Variants in SCARA5 observed in about 807,000 individuals in gnomAD.
SCARA5 encodes the protein scavenger receptor class A, member 5 (putative).
Under a neutral mutation model 46.3 loss-of-function variants are expected in SCARA5, and 45 were observed. The observed-to-expected ratio is 0.97, with a 90% CI of 0.76 to 1.24. The LOEUF (loss-of-function observed/expected upper bound fraction) is 1.24, where lower values mean the gene tolerates loss of function less well. SCARA5 is among the 50% of genes most tolerant of loss of function. The probability of loss-of-function intolerance (pLI) is 0.00; values close to 1 mark genes in which losing one functional copy is unlikely to be tolerated. For synonymous variants in SCARA5, 333 were observed against 306.5 expected (o/e 1.09, Z -0.90); for missense variants, 680 against 689.0 (o/e 0.99, Z 0.15).
At chr8:27,951,157 G>A (rs1808120341) in intron 3 of SCARA5, among the ~76,000 whole-genome samples, 1 of 152,216 alleles carries the variant, frequency 6.6e-6, no homozygotes, top group Non-Finnish European at 1.5e-5. Context: ...GCAAGTCCAT[G>A]TAATTCTAAA....
chr8:27,965,874 GA>G (rs1441610260), intron 3 of SCARA5, among the ~76,000 whole-genome samples: 1 of 152,172 alleles, frequency 6.6e-6, no homozygotes, highest in Admixed American at 6.5e-5. Context: ...TTGAGTCCAT[GA>G]GCTCTCCTTC....
In SCARA5 at chr8:27,873,637, G is replaced by T. The variant is rs568896103; in HGVS notation, c.1352-1567C>A. Among the ~76,000 whole-genome samples, 85 of 148,190 alleles carry T rather than the reference G, an allele frequency of 5.7e-4. 1 individual carries two copies. The South Asian group carries it at 0.018, about 32-fold the overall frequency. ...AAAACGGCCCCACCCCTAAATCCCT[G>T]CGCTGACTCTCTTTTCTGACTCAAC... On this transcript the variant is annotated intron_variant, in intron 8 of 8. Coordinates refer to ENST00000354914, the MANE Select transcript of SCARA5 (RefSeq NM_173833.6).
intron 2 of SCARA5, among the ~76,000 whole-genome samples, chr8:27,974,574 T>C (rs1808495700): frequency 6.6e-6 from 1 of 151,826 alleles, no homozygotes; most frequent in Non-Finnish European, 1.5e-5. Flanking sequence ...AGAGATAGCG[T>C]TTTATTGCTG....
At position 27,933,851 on chromosome 8, in the gene SCARA5, TAAAAGACAGGGA is replaced by T. The variant is rs112728720; in HGVS notation, c.242-11618_242-11607del. Among the ~76,000 whole-genome samples, 456 of 152,128 alleles carry T rather than the reference TAAAAGACAGGGA, an allele frequency of 3.0e-3. 1 individual carries two copies. The highest frequency in any genetic ancestry group is 0.01 in the African/African-American group (415 of 41,492). On this transcript the variant is annotated intron_variant, in intron 3 of 8. Transcript: ENST00000354914. The stretch of plus-strand genomic sequence containing the variant: ...TAGGCAGTCATCAAAATCATAATTA[TAAAAGACAGGGA>T]GAAGTTGGGAAAATGCTTATGAAAT...
intron 3 of SCARA5, among the ~76,000 whole-genome samples, chr8:27,939,621 C>T (rs747182612): frequency 5.9e-5 from 9 of 152,178 alleles, no homozygotes; most frequent in Non-Finnish European, 7.3e-5. Flanking sequence ...CTGGGTCACG[C>T]AGCTAGACAG....
At chr8:27,986,492 T>C (rs928346977) in intron 2 of SCARA5, among the ~76,000 whole-genome samples, 2 of 152,162 alleles carry the variant, frequency 1.3e-5, no homozygotes, top group Admixed American at 1.3e-4. Flanking sequence ...TCGTGGATCC[T>C]CAAAATATGT....
Position 27,871,492 on chromosome 8 carries a change from A to C in SCARA5, c.*442T>G. 1 of 992,042 alleles carries C rather than the reference A, an allele frequency of 1.0e-6. No individual in the cohort carries two copies. 61.5% of individuals were successfully genotyped at this position (992,042 alleles called of 1,614,324 possible). On this transcript the variant is annotated 3_prime_UTR_variant, in exon 9 of 9. Coordinates refer to ENST00000354914, the MANE Select transcript of SCARA5 (RefSeq NM_173833.6). ...CTCTTGCTGGGGAGGAAGATGTAGA[A>C]ACTCTTGGACTAATGGAGGTTTGGG...
At chr8:27,881,311 C>T (rs36059108) in intron 7 of SCARA5, among the ~76,000 whole-genome samples, 4 of 152,042 alleles carry the variant, frequency 2.6e-5, no homozygotes, top group Non-Finnish European at 4.4e-5. Context: ...CTATCAGCAG[C>T]GGATTGAATA....
chr8:27,891,148 TA>T (rs1806973991), intron 7 of SCARA5, among the ~76,000 whole-genome samples: 1 of 151,836 alleles, frequency 6.6e-6, no homozygotes, highest in East Asian at 1.9e-4. Context: ...CTTCCCTCTA[TA>T]AAGACACAAG....
chr8:27,992,130 C>T (rs375259219), intron 1 of SCARA5, 127 bp downstream of exon 1: 1 of 152,420 alleles, frequency 6.6e-6, no homozygotes, highest in South Asian at 2.1e-4. Context: ...GAGAAGGCAC[C>T]TCCAGGCTCT....
At chr8:27,906,699 TTG>T (rs1394325332) in intron 6 of SCARA5, among the ~76,000 whole-genome samples, 4 of 152,322 alleles carry the variant, frequency 2.6e-5, no homozygotes, top group African/African-American at 9.6e-5. Context: ...TTCTAGATTT[TTG>T]TGTGTGTGTT....
At chr8:27,990,569 G>A (rs936009088) in intron 1 of SCARA5, among the ~76,000 whole-genome samples, 14 of 152,172 alleles carry the variant, frequency 9.2e-5, no homozygotes, top group Admixed American at 5.2e-4. Flanking sequence ...ATATCAGAGC[G>A]GGAAGAGGCC....
At chr8:27,930,406 CT>C (rs752297118) in intron 3 of SCARA5, among the ~76,000 whole-genome samples, 208 of 145,300 alleles carry the variant, frequency 1.4e-3, no homozygotes, top group East Asian at 3.6e-3. Flanking sequence ...TATTAAACTT[CT>C]TTTTTTTTTT....
At chr8:27,961,029 C>A (rs1035932245) in intron 3 of SCARA5, among the ~76,000 whole-genome samples, 1 of 152,160 alleles carries the variant, frequency 6.6e-6, no homozygotes, top group African/African-American at 2.4e-5. Context: ...GGTTACAGAG[C>A]CTTCACAGAT....
chr8:27,882,236 T>A (rs1318423667), intron 7 of SCARA5, among the ~76,000 whole-genome samples: 2 of 152,220 alleles, frequency 1.3e-5, no homozygotes, highest in Non-Finnish European at 2.9e-5. Context: ...CCTTTCTTTT[T>A]AGGACTGAAT....
intron 2 of SCARA5, among the ~76,000 whole-genome samples, chr8:27,982,794 G>T (rs1808643941): frequency 6.6e-6 from 1 of 152,170 alleles, no homozygotes; most frequent in Non-Finnish European, 1.5e-5. Flanking sequence ...GCTGCTCAGG[G>T]AGGGGACAGA....
chr8:27,966,609 T>C, intron 2 of SCARA5, 67 bp from the exon 3 acceptor site: 1 of 1,501,174 alleles, frequency 6.7e-7, no homozygotes, highest in Non-Finnish European at 8.9e-7. Context: ...TCTTTTCTTT[T>C]TTGGTCTCAT....
At chr8:27,906,818 T>A (rs1461706408) in intron 6 of SCARA5, among the ~76,000 whole-genome samples, 1 of 152,080 alleles carries the variant, frequency 6.6e-6, no homozygotes, top group African/African-American at 2.4e-5. Context: ...TTCCCACTCA[T>A]CCTCCCAAGT....
At chr8:27,895,675 A>T (rs1261589612) in intron 7 of SCARA5, among the ~76,000 whole-genome samples, 3 of 152,188 alleles carry the variant, frequency 2.0e-5, no homozygotes, top group Admixed American at 6.5e-5. Context: ...CGCCAGGACC[A>T]CACCTGGGTT....
Sources: gnomAD v4.1 joint callset for allele counts (sites outside exome capture counted in the v4.1 genomes callset) on GRCh38, gnomAD v4.1.1 for gene constraint, MANE v1.5 for transcripts, NCBI Gene and HGNC (gene_info 2026-07-23, HGNC 2026-07-21) for gene names.